CALCRL: variants seen among roughly 807,000 people sequenced by gnomAD.
The protein encoded by CALCRL is calcitonin gene-related peptide type 1 receptor.
CALCRL carries 27 observed loss-of-function variants against 60.4 expected under a neutral mutation model. The ratio of observed to expected loss-of-function variants is 0.45; its 90% CI spans 0.33 to 0.62. The LOEUF (loss-of-function observed/expected upper bound fraction) is 0.62, where lower values mean the gene tolerates loss of function less well. CALCRL is among the 20% of genes least tolerant of loss of function. CALCRL has a pLI of 0.03. For missense variants in CALCRL, 424 were observed against 540.7 expected (o/e 0.78, Z 2.14); for synonymous variants, 190 against 182.6 (o/e 1.04, Z -0.33).
At chr2:187,411,575 C>A (rs1428400347) in intron 1 of CALCRL, among the ~76,000 whole-genome samples, 1 of 151,844 alleles carries the variant, frequency 6.6e-6, no homozygotes, top group Non-Finnish European at 1.5e-5. Context: ...AAATGGGATA[C>A]CTAGATAAAT....
intron 8 of CALCRL, among the ~76,000 whole-genome samples, chr2:187,365,037 T>G (rs975849867): frequency 6.6e-6 from 1 of 152,198 alleles, no homozygotes. Flanking sequence ...ATCTACAGGT[T>G]ATTGATTATA....
intron 8 of CALCRL, among the ~76,000 whole-genome samples, chr2:187,364,123 C>G (rs1687175701): frequency 6.6e-6 from 1 of 152,122 alleles, no homozygotes; most frequent in African/African-American, 2.4e-5. Context: ...AATAGTACCA[C>G]CTTTTACTAG....
intron 1 of CALCRL, among the ~76,000 whole-genome samples, chr2:187,442,618 T>A (rs1019996253): frequency 1.3e-5 from 2 of 151,818 alleles, no homozygotes; most frequent in African/African-American, 4.8e-5. Flanking sequence ...AAAAAAATGG[T>A]CAAAAACAAC....
At chr2:187,374,096 C>A (rs975042321) in intron 8 of CALCRL, among the ~76,000 whole-genome samples, 4 of 151,920 alleles carry the variant, frequency 2.6e-5, no homozygotes, top group African/African-American at 7.3e-5. Flanking sequence ...TGAGCCCAGG[C>A]GTTTGAAGCT....
In CALCRL at chr2:187,383,186, A is replaced by G; in HGVS notation, c.171T>C (p.Ile57=). The G allele has an allele frequency of 6.2e-7, 1 of 1,608,868 alleles. No individual in the cohort carries two copies. The highest frequency in any genetic ancestry group is 1.3e-5 in the African/African-American group (1 of 74,792). Residue 57 remains isoleucine, a synonymous_variant, in exon 5 of 15, where the codon ATT becomes ATC. Transcript: ENST00000392370. ...AGCCATGCTTACCTTCTGCTTGTTG[A>G]ATGGGGTCTTGCATAATCTTTTGGT... ...ECYQKIMQDP[I]QQAEGVYCNR... is the part of the protein sequence containing the mutation.
intron 1 of CALCRL, among the ~76,000 whole-genome samples, chr2:187,402,887 A>T (rs886666438): frequency 5.3e-5 from 8 of 151,808 alleles, no homozygotes; most frequent in African/African-American, 1.7e-4. Flanking sequence ...AACATGAAAT[A>T]TGATGGTATT....
chr2:187,418,532 G>A (rs945685860), intron 1 of CALCRL, among the ~76,000 whole-genome samples: 1 of 151,456 alleles, frequency 6.6e-6, no homozygotes, highest in South Asian at 2.1e-4. Context: ...CTTAAATATC[G>A]ACTTCTATTG....
intron 4 of CALCRL, among the ~76,000 whole-genome samples, chr2:187,384,959 A>G (rs1474849476): frequency 6.6e-6 from 1 of 152,116 alleles, no homozygotes; most frequent in Non-Finnish European, 1.5e-5. Flanking sequence ...TTTTTGTCTT[A>G]TTTGCCTACC....
At chr2:187,446,779 A>C (rs1691208323) in intron 1 of CALCRL, among the ~76,000 whole-genome samples, 2 of 151,822 alleles carry the variant, frequency 1.3e-5, no homozygotes, top group Non-Finnish European at 1.5e-5. Flanking sequence ...AGAATCACAA[A>C]TCTAAGAATT....
intron 1 of CALCRL, chr2:187,442,073 TATA>T (rs1559081580): frequency 2.0e-3 from 8 of 3,998 alleles, no homozygotes; most frequent in Admixed American, 6.9e-3. Flanking sequence ...AAAAACATTA[TATA>T]TATATATATA....
intron 1 of CALCRL, among the ~76,000 whole-genome samples, chr2:187,414,871 A>C (rs1689529332): frequency 1.3e-5 from 1 of 77,012 alleles, no homozygotes; most frequent in African/African-American, 5.5e-5. Flanking sequence ...TGCCACCAGA[A>C]AATTATTTTT....
At chr2:187,383,114 G>A (rs1688047576) in intron 5 of CALCRL, 59 bp downstream of exon 5, 3 of 1,527,150 alleles carry the variant, frequency 2.0e-6, no homozygotes, top group African/African-American at 2.8e-5. Flanking sequence ...TGATATAATG[G>A]GAGTAGTTTT....
At chr2:187,392,796 T>C (rs1688504288) in intron 1 of CALCRL, among the ~76,000 whole-genome samples, 1 of 152,076 alleles carries the variant, frequency 6.6e-6, no homozygotes, top group African/African-American at 2.4e-5. Context: ...CTTGAACTCC[T>C]AGTCTCAAGT....
intron 1 of CALCRL, among the ~76,000 whole-genome samples, chr2:187,422,876 A>G: frequency 6.6e-6 from 1 of 151,912 alleles, no homozygotes; most frequent in Non-Finnish European, 1.5e-5. Context: ...TTTAGTGTAA[A>G]ATATGAGGGG....
chr2:187,435,772 T>C (rs951205188), intron 1 of CALCRL, among the ~76,000 whole-genome samples: 6 of 152,036 alleles, frequency 3.9e-5, no homozygotes, highest in African/African-American at 1.4e-4. Context: ...AATGTATAAA[T>C]TATATATGAT....
chr2:187,423,723 A>G lies in CALCRL; in HGVS notation c.-293+24316T>C, dbSNP rs184515854. On this transcript the variant is annotated intron_variant, in intron 1 of 14. Coordinates refer to ENST00000392370, the MANE Select transcript of CALCRL (RefSeq NM_005795.6). The stretch of plus-strand genomic sequence containing the variant: ...GGCATATCCAAAGGCTTGGGAAAAA[A>G]CTTAGGATAAATAGAGAATAATGAA... Among the ~76,000 whole-genome samples, 1,511 of 152,176 alleles carry G rather than the reference A, an allele frequency of 9.9e-3. 23 individuals are homozygous for G. Among genetic ancestry groups the G allele is most frequent in the African/African-American group, 0.035 (1,441 of 41,560 alleles).
At chr2:187,409,206 C>A (rs1359100458) in intron 1 of CALCRL, among the ~76,000 whole-genome samples, 1 of 152,030 alleles carries the variant, frequency 6.6e-6, no homozygotes, top group Non-Finnish European at 1.5e-5. Flanking sequence ...CATTTTTTTT[C>A]TCCTTCCACT....
intron 9 of CALCRL, among the ~76,000 whole-genome samples, chr2:187,361,254 C>A (rs1228357361): frequency 2.0e-5 from 3 of 151,930 alleles, no homozygotes; most frequent in Non-Finnish European, 4.4e-5. Context: ...GTTATCCTAT[C>A]CAAATATGGA....
chr2:187,385,822 C>T (rs991865784), intron 3 of CALCRL, among the ~76,000 whole-genome samples, 191 bp from the exon 4 acceptor site: 13 of 152,046 alleles, frequency 8.6e-5, no homozygotes, highest in Non-Finnish European at 1.6e-4. Flanking sequence ...ACAATCTTGG[C>T]TCACTGCAGC....
Sources: gnomAD v4.1 joint callset for allele counts (sites outside exome capture counted in the v4.1 genomes callset) on GRCh38, gnomAD v4.1.1 for gene constraint, MANE v1.5 for transcripts, NCBI Gene and HGNC (gene_info 2026-07-23, HGNC 2026-07-21) for gene names.